The following IGSF10 variants were observed in gnomAD, a reference collection of about 807,000 sequenced individuals.
IGSF10 encodes immunoglobulin superfamily member 10, also known as calvaria mechanical force protein 608.
Under a neutral mutation model 128.2 loss-of-function variants are expected in IGSF10, and 126 were observed. The ratio of observed to expected loss-of-function variants is 0.98; its 90% confidence interval spans 0.85 to 1.14. IGSF10 has a LOEUF of 1.14. IGSF10 is among the 50% of genes most tolerant of loss of function. The pLI is 0.00. For missense variants in IGSF10, 3,295 were observed against 3,149.8 expected (o/e 1.05, Z -1.10); for synonymous variants, 1,185 against 1,146.2 (o/e 1.03, Z -0.68).
chr3:151,517,618 G>C, the IGSF10 span, among the ~76,000 whole-genome samples: 1 of 151,954 alleles, frequency 6.6e-6, no homozygotes, highest in Non-Finnish European at 1.5e-5. Context: ...GATAGTAACA[G>C]AGTGGCACTA....
rs866524050 is a variant in IGSF10, at chr3:151,453,709, G to A, written c.390C>T (p.Ser130=). ...TGTGGTCCATGTGCAATCGTGTCAA[G>A]CTCCTGAGGCCATAAAAAGTATCTT... ...LQKDTFYGLR[S]LTRLHMDHNN... The change falls in exon 5 of 8, where the codon AGC becomes AGT. Residue 130 remains serine (S), a synonymous_variant. Coordinates refer to ENST00000282466, the MANE Select transcript of IGSF10 (RefSeq NM_178822.5). 1 of 1,607,410 alleles carries A rather than the reference G, an allele frequency of 6.2e-7. No homozygotes were observed. Among genetic ancestry groups the A allele is most frequent in the South Asian group, 1.1e-5 (1 of 90,006 alleles).
At chr3:151,592,762 T>A in the IGSF10 span, among the ~76,000 whole-genome samples, 2 of 152,182 alleles carry the variant, frequency 1.3e-5, no homozygotes, top group African/African-American at 4.8e-5. Flanking sequence ...GAAACAATGT[T>A]GTGCACATTT....
downstream of IGSF10, chr3:151,434,037 A>AT (rs1363732684): frequency 6.6e-6 from 1 of 152,532 alleles, no homozygotes; most frequent in Non-Finnish European, 1.5e-5. Flanking sequence ...TCTATATAAT[A>AT]TTTTTTTAGA....
intron 4 of IGSF10, among the ~76,000 whole-genome samples, chr3:151,456,335 G>T (rs532850947): frequency 6.6e-6 from 1 of 152,164 alleles, no homozygotes; most frequent in Non-Finnish European, 1.5e-5. Context: ...TATTTTATGA[G>T]GAGCTTTGTA....
At chr3:151,491,994 G>GC in the IGSF10 span, among the ~76,000 whole-genome samples, 1 of 37,320 alleles carries the variant, frequency 2.7e-5, no homozygotes, top group South Asian at 7.4e-4. Context: ...GACCACAAAA[G>GC]CAAAAATAAA....
At chr3:151,541,531 C>T in the IGSF10 span, among the ~76,000 whole-genome samples, 1 of 152,142 alleles carries the variant, frequency 6.6e-6, no homozygotes, top group Non-Finnish European at 1.5e-5. Flanking sequence ...GAGGTTTGCT[C>T]ATGGTTGTAT....
the IGSF10 span, among the ~76,000 whole-genome samples, chr3:151,529,302 G>A: frequency 2.0e-5 from 3 of 152,344 alleles, no homozygotes; most frequent in East Asian, 5.8e-4. Context: ...AAACGTCCCT[G>A]CCTGATGGCT....
chr3:151,579,183 C>T, the IGSF10 span, among the ~76,000 whole-genome samples: 1 of 152,180 alleles, frequency 6.6e-6, no homozygotes, highest in Non-Finnish European at 1.5e-5. Context: ...ATAGCACTAA[C>T]ACAACCCAAA....
the IGSF10 span, among the ~76,000 whole-genome samples, chr3:151,565,658 C>G: frequency 0.48 from 73,332 of 151,820 alleles, 17,930 homozygotes; most frequent in South Asian, 0.58. Flanking sequence ...TAGAAATGTT[C>G]TGCTTTATAT....
chr3:151,602,668 C>A, the IGSF10 span, among the ~76,000 whole-genome samples: 4 of 152,224 alleles, frequency 2.6e-5, 1 homozygote, highest in South Asian at 6.2e-4. Flanking sequence ...ACTGAGACTC[C>A]TTAGCCCAAG....
chr3:151,494,533 G>C, the IGSF10 span, among the ~76,000 whole-genome samples: 3 of 152,056 alleles, frequency 2.0e-5, no homozygotes, highest in South Asian at 6.2e-4. Flanking sequence ...ATTGTTCATG[G>C]AATATCTGGG....
chr3:151,460,048 T>C (rs1010837761), intron 2 of IGSF10, among the ~76,000 whole-genome samples: 3 of 152,130 alleles, frequency 2.0e-5, no homozygotes, highest in Admixed American at 2.0e-4. Flanking sequence ...CTTTGTATGA[T>C]TGGAGACAGC....
At chr3:151,619,409 A>G in the IGSF10 span, among the ~76,000 whole-genome samples, 54 of 149,940 alleles carry the variant, frequency 3.6e-4, no homozygotes, top group Non-Finnish European at 7.1e-4. Context: ...GGCATATGAA[A>G]TAGTATTTCA....
Position 151,437,526 on chromosome 3 carries a change from T to C in IGSF10, c.7035A>G (p.Glu2345=). 6.2e-7 allele frequency: 1 copy of C among 1,614,182 alleles called. No homozygotes were observed. Among genetic ancestry groups the C allele is most frequent in the Non-Finnish European group, 8.5e-7 (1 of 1,180,034 alleles). ...RRPTFRNPFN[E]KIVAQLGKST... ...ACTTTCCCAGCTGGGCAACTATTTT[T>C]TCATTAAATGGATTTCTAAATGTCG... The change falls in exon 8 of 8, where the codon GAA becomes GAG. Residue 2345 remains glutamate (E), a synonymous_variant. Transcript: ENST00000282466.
chr3:151,501,380 T>C, the IGSF10 span, among the ~76,000 whole-genome samples: 4 of 151,992 alleles, frequency 2.6e-5, no homozygotes, highest in African/African-American at 9.7e-5. Context: ...ATAGGGATCA[T>C]CATAACATTT....
the IGSF10 span, among the ~76,000 whole-genome samples, chr3:151,474,184 C>G: frequency 6.6e-6 from 1 of 152,106 alleles, no homozygotes; most frequent in Non-Finnish European, 1.5e-5. Context: ...ATATTTTGCT[C>G]AAGCTGAAGG....
chr3:151,519,941 C>T, the IGSF10 span, among the ~76,000 whole-genome samples: 1 of 151,736 alleles, frequency 6.6e-6, no homozygotes, highest in African/African-American at 2.4e-5. Context: ...TTTCATTTTG[C>T]TTCATATTGA....
the IGSF10 span, among the ~76,000 whole-genome samples, chr3:151,587,090 T>C: frequency 6.6e-6 from 1 of 152,014 alleles, no homozygotes; most frequent in East Asian, 1.9e-4. Context: ...GTTCTGACAG[T>C]GTGTTGGAAC....
At chr3:151,617,364 C>T in the IGSF10 span, among the ~76,000 whole-genome samples, 1 of 149,034 alleles carries the variant, frequency 6.7e-6, no homozygotes, top group African/African-American at 2.5e-5. Flanking sequence ...CCTCCTTCTC[C>T]TTCTTCTCCC....
Sources: gnomAD v4.1 joint callset for allele counts (sites outside exome capture counted in the v4.1 genomes callset) on GRCh38, gnomAD v4.1.1 for gene constraint, MANE v1.5 for transcripts, NCBI Gene and HGNC (gene_info 2026-07-23, HGNC 2026-07-21) for gene names.